ZNF385D: variants seen among roughly 807,000 people sequenced by gnomAD.
ZNF385D encodes zinc finger protein 385D.
Under a neutral mutation model 35.8 loss-of-function variants are expected in ZNF385D, and 15 were observed. The ratio of observed to expected loss-of-function variants is 0.42; its 90% CI spans 0.28 to 0.64. The LOEUF (loss-of-function observed/expected upper bound fraction) is 0.64, where lower values mean the gene tolerates loss of function less well. Among genes scored for constraint, ZNF385D ranks in the 30% least tolerant of loss-of-function variants. The pLI, the probability that ZNF385D is intolerant of heterozygous loss-of-function variation, is 0.23. For synonymous variants in ZNF385D, 212 were observed against 186.8 expected, an observed-to-expected ratio of 1.13 and a Z score of -1.10; for missense variants, 474 against 494.6, an observed-to-expected ratio of 0.96 and a Z score of 0.39.
At chr3:21,832,834 T>C (rs1348594237) in intron 3 of ZNF385D, among the ~76,000 whole-genome samples, 10 of 152,198 alleles carry the variant, frequency 6.6e-5, no homozygotes, top group African/African-American at 2.4e-4. Context: ...CTCTTTTTCA[T>C]ATTTTCTTCT....
chr3:21,459,533 G>T (rs191989726), intron 4 of ZNF385D: 1 of 152,170 alleles, frequency 6.6e-6, no homozygotes, highest in East Asian at 1.9e-4. Context: ...AATATAAATG[G>T]TATAGGCAAT....
intron 3 of ZNF385D, among the ~76,000 whole-genome samples, chr3:22,038,098 A>C (rs1376185194): frequency 6.6e-6 from 1 of 152,196 alleles, no homozygotes; most frequent in Non-Finnish European, 1.5e-5. Context: ...TAAAGACTTA[A>C]ATGTTAGGCA....
At chr3:21,492,632 A>C (rs1174093120) in intron 4 of ZNF385D, among the ~76,000 whole-genome samples, 1 of 151,776 alleles carries the variant, frequency 6.6e-6, no homozygotes, top group South Asian at 2.1e-4. Flanking sequence ...AAAACTACAA[A>C]AATTCGCCAG....
intron 3 of ZNF385D, among the ~76,000 whole-genome samples, chr3:21,785,186 A>C (rs2071639607): frequency 6.6e-6 from 1 of 152,148 alleles, no homozygotes; most frequent in Admixed American, 6.5e-5. Context: ...GAGCAGCTAG[A>C]ATGGAAACCC....
chr3:21,973,717 A>C (rs1006480155), intron 3 of ZNF385D, among the ~76,000 whole-genome samples: 3 of 152,088 alleles, frequency 2.0e-5, no homozygotes, highest in Non-Finnish European at 4.4e-5. Context: ...TGATAAACAA[A>C]TTCAGTAAAG....
intron 1 of ZNF385D, among the ~76,000 whole-genome samples, chr3:21,720,163 G>A (rs1364585418): frequency 3.3e-5 from 5 of 152,142 alleles, no homozygotes; most frequent in Admixed American, 3.3e-4. Context: ...TTCCTCAGGT[G>A]ACTGAAATGT....
At chr3:21,973,165 C>T (rs1703373676) in intron 3 of ZNF385D, among the ~76,000 whole-genome samples, 1 of 151,804 alleles carries the variant, frequency 6.6e-6, no homozygotes, top group Admixed American at 6.6e-5. Flanking sequence ...CGAATTTCCT[C>T]AACAAAATAC....
intron 3 of ZNF385D, among the ~76,000 whole-genome samples, chr3:21,945,696 T>C (rs1043108389): frequency 6.6e-6 from 1 of 152,206 alleles, no homozygotes; most frequent in Non-Finnish European, 1.5e-5. Context: ...GCCCAATTGA[T>C]GTAAGTTTCT....
At chr3:21,976,608 T>G (rs1703639762) in intron 3 of ZNF385D, among the ~76,000 whole-genome samples, 1 of 152,320 alleles carries the variant, frequency 6.6e-6, no homozygotes, top group African/African-American at 2.4e-5. Context: ...TATGGTTGTG[T>G]TATTTATAAC....
intron 3 of ZNF385D, among the ~76,000 whole-genome samples, chr3:21,560,546 C>G (rs935244963): frequency 6.6e-6 from 1 of 152,176 alleles, no homozygotes; most frequent in African/African-American, 2.4e-5. Flanking sequence ...CTGCCAGATG[C>G]CAGCGAGAGC....
chr3:21,768,292 C>T (rs1357644575), intron 3 of ZNF385D, among the ~76,000 whole-genome samples: 1 of 152,026 alleles, frequency 6.6e-6, no homozygotes, highest in Non-Finnish European at 1.5e-5. Context: ...CATACCTTAA[C>T]AGCATAATGT....
At chr3:21,449,082 A>G (rs1474908079) in intron 4 of ZNF385D, among the ~76,000 whole-genome samples, 2 of 97,286 alleles carry the variant, frequency 2.1e-5, no homozygotes, top group Non-Finnish European at 4.2e-5. Flanking sequence ...TTATTTAAGT[A>G]TATATTTAAG....
chr3:21,964,421 A>AG, intron 3 of ZNF385D, among the ~76,000 whole-genome samples: 1 of 100,198 alleles, frequency 1.0e-5, no homozygotes, highest in Non-Finnish European at 1.8e-5. Context: ...GTAAAAAAAA[A>AG]AAAAAAAAAA....
chr3:21,914,489 T>C (rs915570505), intron 3 of ZNF385D, among the ~76,000 whole-genome samples: 1 of 151,810 alleles, frequency 6.6e-6, no homozygotes, highest in Non-Finnish European at 1.5e-5. Flanking sequence ...CAAAAGATCA[T>C]ATCAATGAAA....
chr3:22,171,605 G>A (rs116459664), intron 2 of ZNF385D, among the ~76,000 whole-genome samples: 2,851 of 152,174 alleles, frequency 0.019, 60 homozygotes, highest in South Asian at 0.11. Context: ...GCCCGGGCAC[G>A]GTGGCTCACG....
chr3:21,952,880 G>C (rs890892521), intron 3 of ZNF385D, among the ~76,000 whole-genome samples: 2 of 151,888 alleles, frequency 1.3e-5, no homozygotes, highest in Non-Finnish European at 2.9e-5. Context: ...GATGCCAAAG[G>C]TAGAATTGCT....
rs35269260 is a variant in ZNF385D at position 21,698,469 on chromosome 3, A to G, written c.23-33441T>C. 1.2e-4 allele frequency among the ~76,000 whole-genome samples: 19 copies of G among 152,252 alleles called. No individual in the cohort carries two copies. In the East Asian group the frequency reaches 2.9e-3, roughly 23 times the overall value. Reference sequence around the variant, plus strand: ...GGACTCCAAAAACAAGGAGGCTGAGAAGGGACTGAGGGTTGAAAAAGTACC... The same window carrying G: ...GGACTCCAAAAACAAGGAGGCTGAGGAGGGACTGAGGGTTGAAAAAGTACC... On this transcript the variant is annotated intron_variant, in intron 1 of 7. Coordinates refer to ENST00000281523, the MANE Select transcript of ZNF385D (RefSeq NM_024697.3).
chr3:21,664,264 A>C (rs2066333722), intron 2 of ZNF385D, among the ~76,000 whole-genome samples: 2 of 152,286 alleles, frequency 1.3e-5, no homozygotes, highest in South Asian at 4.1e-4. Context: ...TTAAAAGTGA[A>C]AACAGAGGCA....
At chr3:22,006,121 G>A (rs944999410) in intron 3 of ZNF385D, among the ~76,000 whole-genome samples, 1 of 152,076 alleles carries the variant, frequency 6.6e-6, no homozygotes, top group Non-Finnish European at 1.5e-5. Flanking sequence ...TCTGGGCTTA[G>A]ATCACTCTTC....
Sources: allele counts gnomAD v4.1 joint callset (sites outside exome capture counted in the v4.1 genomes callset), GRCh38; gene constraint gnomAD v4.1.1; transcripts MANE v1.5; gene names NCBI Gene and HGNC (gene_info 2026-07-23, HGNC 2026-07-21).